The following TCF20 variants were observed in gnomAD, a reference collection of about 807,000 sequenced individuals.
The protein encoded by TCF20 is SPRE-binding protein.
In TCF20, 3 loss-of-function variants were observed where a neutral mutation model predicts 148.6. The ratio of observed to expected loss-of-function variants is 0.02; its 90% CI spans 0.01 to 0.05. The LOEUF (loss-of-function observed/expected upper bound fraction) is 0.05. Ranked by LOEUF, TCF20 falls within the 10% of genes least tolerant of loss-of-function variation. The pLI is 1.00. For missense variants in TCF20, 2,350 were observed against 2,429.3 expected, an observed-to-expected ratio of 0.97 and a Z score of 0.69; for synonymous variants, 1,049 against 909.5, an observed-to-expected ratio of 1.15 and a Z score of -2.76.
intron 1 of TCF20, among the ~76,000 whole-genome samples, chr22:42,239,528 C>CT (rs1924205231): frequency 6.6e-6 from 1 of 151,986 alleles, no homozygotes; most frequent in African/African-American, 2.4e-5. Flanking sequence ...TGGCTCATGC[C>CT]TGTAATCCCA....
At chr22:42,295,500 A>G (rs534387912) in intron 1 of TCF20, among the ~76,000 whole-genome samples, 80 of 148,950 alleles carry the variant, frequency 5.4e-4, no homozygotes, top group Admixed American at 1.8e-3. Context: ...CTGGAGTGCA[A>G]TGGCACAATC....
At chr22:42,229,609 G>A (rs958820327) in intron 1 of TCF20, among the ~76,000 whole-genome samples, 2 of 152,120 alleles carry the variant, frequency 1.3e-5, no homozygotes, top group Admixed American at 1.3e-4. Flanking sequence ...GAAGGCCACG[G>A]CAATTTTCCT....
intron 1 of TCF20, among the ~76,000 whole-genome samples, chr22:42,250,719 G>C (rs766612056): frequency 1.3e-5 from 2 of 152,142 alleles, no homozygotes; most frequent in Non-Finnish European, 2.9e-5. Flanking sequence ...CTATTTTATT[G>C]TGTAAAGTGG....
chr22:42,174,586 T>C (rs1350755131), intron 3 of TCF20, among the ~76,000 whole-genome samples: 4 of 152,148 alleles, frequency 2.6e-5, no homozygotes, highest in African/African-American at 9.7e-5. Context: ...TAAAAAAACT[T>C]AATACTTAAA....
At chr22:42,332,066 C>T (rs931762186) in intron 1 of TCF20, among the ~76,000 whole-genome samples, 2 of 152,324 alleles carry the variant, frequency 1.3e-5, no homozygotes, top group East Asian at 1.9e-4. Flanking sequence ...GGGGTCCAGC[C>T]GTGAACTCAG....
At chr22:42,239,766 C>G (rs1020946192) in intron 1 of TCF20, among the ~76,000 whole-genome samples, 1 of 152,036 alleles carries the variant, frequency 6.6e-6, no homozygotes, top group African/African-American at 2.4e-5. Context: ...CAGTGCAGCT[C>G]TGGGAGACAG....
chr22:42,228,305 A>C (rs886760279), intron 1 of TCF20, among the ~76,000 whole-genome samples: 1 of 152,200 alleles, frequency 6.6e-6, no homozygotes, highest in Non-Finnish European at 1.5e-5. Flanking sequence ...TTGCTAACGG[A>C]TCAGAAGTGG....
At chr22:42,310,915 C>T (rs960120875) in intron 1 of TCF20, among the ~76,000 whole-genome samples, 1 of 152,226 alleles carries the variant, frequency 6.6e-6, no homozygotes, top group Non-Finnish European at 1.5e-5. Flanking sequence ...ATTGATGAGG[C>T]GGAGGCTCAA....
Position 42,213,278 on chromosome 22 carries a change from A to G in TCF20, c.2028T>C (p.Asn676=). ...GGCCACTCTGGCCATTTCCTTCTCC[A>G]TTATGGTTGGAGTTGTTATCGCCAT... is the stretch of plus-strand genomic sequence containing the variant. ...NKNGDNNSNH[N]GEGNGQSGHS... is the part of the protein sequence containing the mutation. Residue 676 remains asparagine, a synonymous_variant, in exon 2 of 6, where the codon AAT becomes AAC. Coordinates refer to ENST00000677622, the MANE Select transcript of TCF20 (RefSeq NM_001378418.1). 6.2e-7 allele frequency: 1 copy of G among 1,613,908 alleles called. No homozygotes were observed. Among genetic ancestry groups the G allele is most frequent in the Non-Finnish European group, 8.5e-7 (1 of 1,179,972 alleles).
At chr22:42,333,345 G>A (rs761735832) in intron 1 of TCF20, among the ~76,000 whole-genome samples, 4 of 151,806 alleles carry the variant, frequency 2.6e-5, no homozygotes, top group South Asian at 2.1e-4. Context: ...GAGCTGCCTC[G>A]CTGTGCAGAA....
intron 1 of TCF20, among the ~76,000 whole-genome samples, chr22:42,334,822 CGT>C (rs1327725915): frequency 1.3e-5 from 2 of 152,204 alleles, no homozygotes; most frequent in Non-Finnish European, 2.9e-5. Flanking sequence ...GCCCCAAGCA[CGT>C]GGGCTCCTCA....
intron 1 of TCF20, among the ~76,000 whole-genome samples, chr22:42,253,214 C>A (rs1925518905): frequency 6.6e-6 from 1 of 152,154 alleles, no homozygotes; most frequent in African/African-American, 2.4e-5. Flanking sequence ...GAAACCTACA[C>A]CATCTACTAA....
intron 1 of TCF20, among the ~76,000 whole-genome samples, chr22:42,313,453 T>C (rs1386849133): frequency 6.6e-6 from 1 of 152,160 alleles, no homozygotes; most frequent in African/African-American, 2.4e-5. Flanking sequence ...CATTGCTTCC[T>C]GCCTCACACC....
chr22:42,184,613 C>T (rs930978105), intron 2 of TCF20, among the ~76,000 whole-genome samples: 1 of 152,210 alleles, frequency 6.6e-6, no homozygotes, highest in South Asian at 2.1e-4. Flanking sequence ...CACAGTGTTA[C>T]TACATTCACT....
At chr22:42,190,452 C>G (rs1937271260) in intron 2 of TCF20, among the ~76,000 whole-genome samples, 1 of 129,478 alleles carries the variant, frequency 7.7e-6, no homozygotes, top group East Asian at 2.1e-4. Flanking sequence ...AGGGCAAGAC[C>G]TTGACTGACA....
rs1921645902 is a variant in TCF20, at chr22:42,215,313, A to C, written c.-8T>G. On this transcript the variant is annotated 5_prime_UTR_variant, in exon 2 of 6. Transcript: ENST00000677622. ...CTCCCGAAAGGACTGCATACTGTTC[A>C]GCAGCACAGCAGCAGGCCAACAGCC... is the stretch of plus-strand genomic sequence containing the variant. 6.3e-7 allele frequency: 1 copy of C among 1,597,982 alleles called. No individual in the cohort carries two copies. Among genetic ancestry groups the C allele is most frequent in the East Asian group, 2.2e-5 (1 of 44,572 alleles).
At chr22:42,223,633 T>C (rs1252508860) in intron 1 of TCF20, among the ~76,000 whole-genome samples, 7 of 152,222 alleles carry the variant, frequency 4.6e-5, no homozygotes, top group Non-Finnish European at 7.3e-5. Flanking sequence ...ATATATAATA[T>C]GCCCACTGCA....
At chr22:42,190,188 G>A (rs995260376) in intron 2 of TCF20, among the ~76,000 whole-genome samples, 3 of 152,214 alleles carry the variant, frequency 2.0e-5, no homozygotes, top group Non-Finnish European at 4.4e-5. Flanking sequence ...GCCAAGTAAG[G>A]TGGCCCATGT....
chr22:42,341,014 G>A (rs991571144), intron 1 of TCF20, among the ~76,000 whole-genome samples: 4 of 152,226 alleles, frequency 2.6e-5, no homozygotes, highest in East Asian at 1.9e-4. Flanking sequence ...TGCGGGGCGC[G>A]CAGCTCTGCT....
Sources: allele counts gnomAD v4.1 joint callset (sites outside exome capture counted in the v4.1 genomes callset), GRCh38; gene constraint gnomAD v4.1.1; transcripts MANE v1.5; gene names NCBI Gene and HGNC (gene_info 2026-07-23, HGNC 2026-07-21).